Variants in ADAM22 observed in about 807,000 individuals in gnomAD.
The protein encoded by ADAM22 is disintegrin and metalloproteinase domain-containing protein 22.
In ADAM22, 65 loss-of-function variants were observed where a neutral mutation model predicts 144.6. The ratio of observed to expected loss-of-function variants is 0.45; its 90% CI spans 0.37 to 0.55. The LOEUF (loss-of-function observed/expected upper bound fraction) is 0.55, where lower values mean the gene tolerates loss of function less well. ADAM22 is among the 20% of genes least tolerant of loss of function. The probability of loss-of-function intolerance (pLI) is 0.00; values close to 1 mark genes in which losing one functional copy is unlikely to be tolerated. For synonymous variants in ADAM22, 391 were observed against 412.6 expected (o/e 0.95, Z 0.63); for missense variants, 974 against 1,184.9 (o/e 0.82, Z 2.61).
chr7:88,174,729 A>G (rs868802379), intron 26 of ADAM22, among the ~76,000 whole-genome samples: 37 of 152,234 alleles, frequency 2.4e-4, no homozygotes, highest in African/African-American at 8.7e-4. Context: ...ATTGATGAGA[A>G]ATATAAAAAA....
chr7:88,134,392 A>T lies in ADAM22; in HGVS notation c.1141A>T (p.Ile381Phe). The T allele has an allele frequency of 6.2e-7, 1 of 1,610,866 alleles. No individual in the cohort carries two copies. The highest frequency in any genetic ancestry group is 8.5e-7 in the Non-Finnish European group (1 of 1,178,800). Residue 381 changes from isoleucine to phenylalanine, a missense_variant, in exon 13 of 32, where the codon ATC becomes TTC. Physicochemically the swap from Ile to Phe is conservative, Grantham distance 21. Around this residue, in one of 2 missense-constraint regions of ADAM22, gnomAD observed 734 missense variants for 950.6 expected, o/e 0.77. Transcript: ENST00000413139. ...GTCATTAGCCCATAATATTGGTATT[A>T]TCTCAGACAAAAGAAAGTTAGCAAG... ...AQSLAHNIGI[I>F]SDKRKLASGE...
At chr7:88,051,635 G>A (rs929558523) in intron 3 of ADAM22, among the ~76,000 whole-genome samples, 59 of 151,968 alleles carry the variant, frequency 3.9e-4, no homozygotes, top group Non-Finnish European at 4.4e-5. Context: ...CACCAACATG[G>A]CACACGTATA....
intron 3 of ADAM22, among the ~76,000 whole-genome samples, chr7:88,034,680 G>A (rs767413310): frequency 2.6e-5 from 4 of 152,136 alleles, no homozygotes; most frequent in Non-Finnish European, 5.9e-5. Flanking sequence ...TTTAGCCTCA[G>A]GTAGTGAGGC....
chr7:88,179,658 G>T (rs1331292070), intron 27 of ADAM22, among the ~76,000 whole-genome samples: 1 of 151,842 alleles, frequency 6.6e-6, no homozygotes, highest in Non-Finnish European at 1.5e-5. Context: ...GTACAGGTGG[G>T]ATTAATATAT....
At chr7:88,008,671 G>A (rs1378194826) in intron 3 of ADAM22, among the ~76,000 whole-genome samples, 7 of 151,590 alleles carry the variant, frequency 4.6e-5, no homozygotes, top group African/African-American at 1.2e-4. Flanking sequence ...AACACCACAT[G>A]TTCTCACTCA....
At chr7:87,985,948 A>G (rs998971234) in intron 3 of ADAM22, among the ~76,000 whole-genome samples, 2 of 152,000 alleles carry the variant, frequency 1.3e-5, no homozygotes, top group Non-Finnish European at 1.5e-5. Context: ...TATAAATTCT[A>G]TTTTGCAGGA....
chr7:87,963,146 G>C (rs1221630057), intron 2 of ADAM22, among the ~76,000 whole-genome samples: 1 of 152,158 alleles, frequency 6.6e-6, no homozygotes, highest in Non-Finnish European at 1.5e-5. Flanking sequence ...CACAGTAGGG[G>C]TTCAGGACTT....
In ADAM22 at chr7:88,149,017, A is replaced by G; in HGVS notation, c.1526A>G (p.Asp509Gly). The change falls in exon 18 of 32, where the codon GAT becomes GGT. Residue 509 changes from aspartate to glycine, a missense_variant. Asp to Gly is a moderately conservative substitution (Grantham distance 94). Around this residue, in one of 2 missense-constraint regions of ADAM22, gnomAD observed 734 missense variants for 950.6 expected, o/e 0.77. Coordinates refer to ENST00000413139, the MANE Select transcript of ADAM22 (RefSeq NM_001324418.2). ...ACTGTGTGCCGAGAAGCAGTAAATGATTGTGATATTCGTGAAACGTGCTCA... is the reference window on the plus strand; with the variant it reads ...ACTGTGTGCCGAGAAGCAGTAAATGGTTGTGATATTCGTGAAACGTGCTCA... ...MGTVCREAVN[D>G]CDIRETCSGN... 1 of 1,612,568 alleles carries G rather than the reference A, an allele frequency of 6.2e-7. No individual in the cohort carries two copies. Among genetic ancestry groups the G allele is most frequent in the African/African-American group, 1.3e-5 (1 of 74,986 alleles).
chr7:87,978,265 C>A, intron 2 of ADAM22, 71 bp from the exon 3 acceptor site: 1 of 1,166,886 alleles, frequency 8.6e-7, no homozygotes, highest in Non-Finnish European at 1.2e-6. Flanking sequence ...TTGAAATAAT[C>A]ATAAGAAAGA....
chr7:88,077,198 T>C (rs1476381425), intron 4 of ADAM22, among the ~76,000 whole-genome samples: 2 of 152,246 alleles, frequency 1.3e-5, no homozygotes, highest in African/African-American at 4.8e-5. Context: ...AGCTTTTTAT[T>C]TAAACTGTTA....
At chr7:88,163,224 C>A in intron 23 of ADAM22, 44 bp downstream of exon 23, 4 of 1,465,852 alleles carry the variant, frequency 2.7e-6, no homozygotes, top group Non-Finnish European at 3.7e-6. Context: ...TTTTATATCA[C>A]AGAAATAGAC....
intron 3 of ADAM22, among the ~76,000 whole-genome samples, chr7:88,018,395 A>C (rs889040545): frequency 1.1e-4 from 16 of 152,160 alleles, no homozygotes; most frequent in Admixed American, 3.9e-4. Flanking sequence ...TCTGTGAGGA[A>C]CCTTTTATTT....
At chr7:88,062,963 A>G (rs531090735) in intron 3 of ADAM22, among the ~76,000 whole-genome samples, 10 of 152,334 alleles carry the variant, frequency 6.6e-5, no homozygotes, top group African/African-American at 1.9e-4. Flanking sequence ...CCCTCAAACA[A>G]TTATAATAGT....
Position 87,973,703 on chromosome 7 carries a change from G to A in ADAM22, c.247-4633G>A, listed in dbSNP as rs565667655. Among the ~76,000 whole-genome samples, 79 of 152,302 alleles carry A rather than the reference G, an allele frequency of 5.2e-4. 1 individual carries two copies. The East Asian group carries it at 0.015, about 29-fold the overall frequency. ...GGAACCAACCCAAATGTCCAACAATGATAGACTGGATTAAGAAAATGTGGC... is the reference window on the plus strand; with the variant it reads ...GGAACCAACCCAAATGTCCAACAATAATAGACTGGATTAAGAAAATGTGGC... On this transcript the variant is annotated intron_variant, in intron 2 of 31. Coordinates refer to ENST00000413139, the MANE Select transcript of ADAM22 (RefSeq NM_001324418.2).
intron 4 of ADAM22, among the ~76,000 whole-genome samples, chr7:88,077,293 T>C (rs1273369890): frequency 2.0e-5 from 3 of 152,200 alleles, no homozygotes; most frequent in Non-Finnish European, 4.4e-5. Flanking sequence ...ATATGTAAAC[T>C]AAAAGAAAAC....
At chr7:88,189,890 G>T (rs540530740) in intron 30 of ADAM22, among the ~76,000 whole-genome samples, 7 of 150,758 alleles carry the variant, frequency 4.6e-5, no homozygotes, top group African/African-American at 1.7e-4. Context: ...GTTGTAGTGA[G>T]CCGAGATCAC....
At chr7:88,050,058 T>C (rs1453093318) in intron 3 of ADAM22, among the ~76,000 whole-genome samples, 1 of 151,676 alleles carries the variant, frequency 6.6e-6, no homozygotes, top group African/African-American at 2.4e-5. Context: ...GTTTAATAAA[T>C]ATAATGTAAA....
Position 88,023,330 on chromosome 7 carries a change from C to T in ADAM22, c.323+44918C>T, listed in dbSNP as rs558983481. Among the ~76,000 whole-genome samples the T allele has an allele frequency of 2.0e-5, 3 of 152,294 alleles. No individual in the cohort carries two copies. In the South Asian group the frequency reaches 6.2e-4, roughly 32 times the overall value. ...ATTATATGAAATACTTTGATACAGG[C>T]ATACAATGTGTAATAACCATATCAG... On this transcript the variant is annotated intron_variant, in intron 3 of 31. Coordinates refer to ENST00000413139, the MANE Select transcript of ADAM22 (RefSeq NM_001324418.2).
intron 3 of ADAM22, among the ~76,000 whole-genome samples, chr7:88,046,322 G>C (rs892252278): frequency 1.3e-5 from 2 of 152,128 alleles, no homozygotes; most frequent in Admixed American, 6.6e-5. Flanking sequence ...GATTATTAAT[G>C]ATGTTGAGTA....
Sources: gnomAD v4.1 joint callset for allele counts (sites outside exome capture counted in the v4.1 genomes callset) on GRCh38, gnomAD v4.1.1 for gene constraint, gnomAD v4.1.1 regional missense constraint, MANE v1.5 for transcripts, NCBI Gene and HGNC (gene_info 2026-07-23, HGNC 2026-07-21) for gene names.